Variants in BMERB1 observed in about 807,000 individuals in gnomAD.
The protein encoded by BMERB1 is bMERB domain-containing protein 1.
BMERB1 carries 12 observed loss-of-function variants against 23.6 expected under a neutral mutation model. That is an observed-to-expected ratio of 0.51 (90% CI 0.33 to 0.82). BMERB1 has a LOEUF of 0.82. Among genes scored for constraint, BMERB1 ranks in the 40% least tolerant of loss-of-function variants. BMERB1 has a pLI of 0.03. For missense variants in BMERB1, 247 were observed against 255.4 expected (o/e 0.97, Z 0.22); for synonymous variants, 122 against 96.6 (o/e 1.26, Z -1.54).
rs57267276 is a variant in BMERB1 at position 15,468,162 on chromosome 16, T to TTTC, written c.106+33404_106+33405insTCT. Reference sequence around the variant, plus strand: ...TTTTTTTTTTTTTTTTTTTTTTTTTTTGAGGCAGGGTCTCAGTCTGTCACC... The same window carrying TTTC: ...TTTTTTTTTTTTTTTTTTTTTTTTTTTTCTGAGGCAGGGTCTCAGTCTGTCACC... On this transcript the variant is annotated intron_variant, in intron 1 of 5. Transcript: ENST00000300006. Among the ~76,000 whole-genome samples the TTTC allele has an allele frequency of 4.7e-3, 305 of 64,572 alleles. 54 individuals carry two copies. Among genetic ancestry groups the TTTC allele is most frequent in the East Asian group, 8.3e-3 (16 of 1,938 alleles). 42.4% of individuals were successfully genotyped at this position (64,572 alleles called of 152,430 possible).
In BMERB1 at chr16:15,481,273, TC is replaced by T. The variant is rs796896210; in HGVS notation, c.107-34029del. On this transcript the variant is annotated intron_variant, in intron 1 of 5. Coordinates refer to ENST00000300006, the MANE Select transcript of BMERB1 (RefSeq NM_033201.3). Reference sequence around the variant, plus strand: ...CGGGCACAGTGGCTCATGCCTGTAATCCCAGCACTTTGGGAGGCCGAGGCGG... The same window carrying T: ...CGGGCACAGTGGCTCATGCCTGTAATCCAGCACTTTGGGAGGCCGAGGCGG... Among the ~76,000 whole-genome samples, 4 of 151,972 alleles carry T rather than the reference TC, an allele frequency of 2.6e-5. No homozygotes were observed. In the South Asian group the frequency reaches 8.3e-4, roughly 32 times the overall value.
At chr16:15,513,981 A>G (rs1487079158) in intron 1 of BMERB1, among the ~76,000 whole-genome samples, 3 of 152,216 alleles carry the variant, frequency 2.0e-5, no homozygotes, top group Non-Finnish European at 4.4e-5. Flanking sequence ...ATACACACAC[A>G]TATTTATATA....
At chr16:15,554,425 A>G (rs908749502) in intron 2 of BMERB1, among the ~76,000 whole-genome samples, 3 of 152,194 alleles carry the variant, frequency 2.0e-5, no homozygotes, top group Non-Finnish European at 4.4e-5. Flanking sequence ...AAAGCATTCA[A>G]TAAGTACTAG....
chr16:15,535,210 G>T (rs1309362242), intron 2 of BMERB1, among the ~76,000 whole-genome samples: 4 of 151,972 alleles, frequency 2.6e-5, no homozygotes, highest in Non-Finnish European at 5.9e-5. Context: ...AATTAGCTGG[G>T]CATAGTGGTG....
rs568325104 is a variant in BMERB1 at position 15,445,585 on chromosome 16, A to G, written c.106+10826A>G. ...TTAGGAAAAACCAAATTGGAACCTT[A>G]CTGAGATATGTAGCCACTGGAAAGG... On this transcript the variant is annotated intron_variant, in intron 1 of 5. Transcript: ENST00000300006. Among the ~76,000 whole-genome samples the G allele has an allele frequency of 2.6e-5, 4 of 152,308 alleles. No individual in the cohort carries two copies. The South Asian group carries it at 6.2e-4, about 24-fold the overall frequency.
At chr16:15,501,229 C>T (rs1352320374) in intron 1 of BMERB1, among the ~76,000 whole-genome samples, 9 of 151,722 alleles carry the variant, frequency 5.9e-5, no homozygotes, top group Admixed American at 5.9e-4. Context: ...ATCCCCCTGC[C>T]TCAGCCTCCA....
chr16:15,524,404 C>T (rs2051885862), intron 2 of BMERB1, among the ~76,000 whole-genome samples: 1 of 152,062 alleles, frequency 6.6e-6, no homozygotes, highest in Non-Finnish European at 1.5e-5. Flanking sequence ...ATGGAAGGAC[C>T]CTCCTCCTGA....
intron 1 of BMERB1, among the ~76,000 whole-genome samples, chr16:15,475,420 A>G (rs1430362348): frequency 1.3e-5 from 2 of 152,246 alleles, no homozygotes; most frequent in African/African-American, 4.8e-5. Context: ...AGGGACTCAC[A>G]GAACTCCCTG....
At chr16:15,434,852 T>A in intron 1 of BMERB1, 93 bp downstream of exon 1, 1 of 1,021,920 alleles carries the variant, frequency 9.8e-7, no homozygotes, top group Non-Finnish European at 1.4e-6. Flanking sequence ...ACGCCAGCAG[T>A]GGACCCAGGG....
At chr16:15,580,603 A>C (rs1444367158) in intron 3 of BMERB1, among the ~76,000 whole-genome samples, 7 of 147,328 alleles carry the variant, frequency 4.8e-5, no homozygotes, top group Non-Finnish European at 1.0e-4. Context: ...GCTAGAGTGC[A>C]GTGGTGCGAT....
In BMERB1 at chr16:15,542,163, A is replaced by G. The variant is rs565258880; in HGVS notation, c.231-25820A>G. On this transcript the variant is annotated intron_variant, in intron 2 of 5. Transcript: ENST00000300006. Reference sequence around the variant, plus strand: ...ACTGCAACCTCCGCCTCCCAGGTTCAAGCAATTATCCTGCCTCAGCCTCCC... The same window carrying G: ...ACTGCAACCTCCGCCTCCCAGGTTCGAGCAATTATCCTGCCTCAGCCTCCC... 1.4e-3 allele frequency among the ~76,000 whole-genome samples: 206 copies of G among 150,282 alleles called. 1 individual carries two copies. The highest frequency in any genetic ancestry group is 4.0e-3 in the African/African-American group (163 of 40,634).
chr16:15,505,480 G>T (rs2150945317), intron 1 of BMERB1, among the ~76,000 whole-genome samples: 1 of 152,308 alleles, frequency 6.6e-6, no homozygotes, highest in African/African-American at 2.4e-5. Context: ...GAATTTAACA[G>T]TATTGCTTTG....
intron 2 of BMERB1, among the ~76,000 whole-genome samples, chr16:15,567,475 C>T (rs941814137): frequency 6.6e-6 from 1 of 152,110 alleles, no homozygotes; most frequent in African/African-American, 2.4e-5. Context: ...TGGCCAGGCA[C>T]CGCGGCTTAT....
At chr16:15,586,012 G>A (rs1477665958) in intron 5 of BMERB1, among the ~76,000 whole-genome samples, 6 of 152,064 alleles carry the variant, frequency 3.9e-5, no homozygotes, top group Non-Finnish European at 8.8e-5. Context: ...AAATGAAATA[G>A]TAAGATGCTA....
At chr16:15,574,763 G>A (rs116464346) in intron 3 of BMERB1, among the ~76,000 whole-genome samples, 10,046 of 152,180 alleles carry the variant, frequency 0.066, 350 homozygotes, top group South Asian at 0.076. Flanking sequence ...ATTGGTTAAG[G>A]AAGAGAAGCT....
At chr16:15,521,077 T>C (rs757461615) in intron 2 of BMERB1, among the ~76,000 whole-genome samples, 32 of 152,220 alleles carry the variant, frequency 2.1e-4, no homozygotes, top group Non-Finnish European at 3.8e-4. Flanking sequence ...TTCCCTGCTA[T>C]GTAAACTCCT....
rs764275264 is a variant in BMERB1 at position 15,434,754 on chromosome 16, G to C, written c.101G>C (p.Gly34Ala). 6.0e-6 allele frequency: 6 copies of C among 1,000,522 alleles called. No individual in the cohort carries two copies. The African/African-American group carries it at 9.8e-5, about 16-fold the overall frequency. The allele number at this position is 1,000,522 out of a possible 1,614,324, so 62.0% of individuals were successfully genotyped here. A position where few individuals can be genotyped will look rare whatever the true frequency, so the allele number is the denominator to read the frequency against. ...ACGGCTTGGAAAACGGAGAGACTGGGGAGAAGTGAGTACTGGGGCGGGGGG... is the reference window on the plus strand; with the variant it reads ...ACGGCTTGGAAAACGGAGAGACTGGCGAGAAGTGAGTACTGGGGCGGGGGG... ...EETAWKTERL[G>A]RNQLDIISMA... The change falls in exon 1 of 6, where the codon GGG (glycine) becomes GCG (alanine). Residue 34 changes from glycine to alanine, a missense_variant. Physicochemically the swap from Gly to Ala is moderately conservative, Grantham distance 60. Coordinates refer to ENST00000300006, the MANE Select transcript of BMERB1 (RefSeq NM_033201.3).
chr16:15,455,482 A>T (rs2051078632), intron 1 of BMERB1, among the ~76,000 whole-genome samples: 2 of 151,592 alleles, frequency 1.3e-5, no homozygotes, highest in Non-Finnish European at 2.9e-5. Flanking sequence ...TATTTTTGAG[A>T]TGGAGTCTCG....
At chr16:15,467,258 A>G (rs1444847348) in intron 1 of BMERB1, among the ~76,000 whole-genome samples, 1 of 152,162 alleles carries the variant, frequency 6.6e-6, no homozygotes, top group East Asian at 1.9e-4. Flanking sequence ...CCTTATAAGA[A>G]ATTGCCAAAC....
Sources: gnomAD v4.1 joint callset for allele counts (sites outside exome capture counted in the v4.1 genomes callset) on GRCh38, gnomAD v4.1.1 for gene constraint, MANE v1.5 for transcripts, NCBI Gene and HGNC (gene_info 2026-07-23, HGNC 2026-07-21) for gene names.